Variants in CASR observed in about 807,000 individuals in gnomAD.
The protein encoded by CASR is calcium sensing receptor.
A neutral mutation model predicts 69.1 loss-of-function variants in CASR; 23 were observed. That is an observed-to-expected ratio of 0.33 (90% CI 0.24 to 0.47). The LOEUF is 0.47. Ranked by LOEUF, CASR falls within the 20% of genes least tolerant of loss-of-function variation. The probability of loss-of-function intolerance (pLI) is 1.00; values close to 1 mark genes in which losing one functional copy is unlikely to be tolerated. For missense variants in CASR, 924 were observed against 1,356.1 expected, an observed-to-expected ratio of 0.68 and a Z score of 5.00; for synonymous variants, 541 against 544.7, an observed-to-expected ratio of 0.99 and a Z score of 0.10.
At chr3:122,248,120 C>A (rs931541707) in intron 1 of CASR, among the ~76,000 whole-genome samples, 1 of 152,162 alleles carries the variant, frequency 6.6e-6, no homozygotes, top group Non-Finnish European at 1.5e-5. Context: ...GGTGACCGGG[C>A]AATTTGTGTT....
intron 1 of CASR, among the ~76,000 whole-genome samples, chr3:122,212,643 A>ATTT (rs35139115): frequency 6.9e-6 from 1 of 144,900 alleles, no homozygotes; most frequent in Non-Finnish European, 1.5e-5. Flanking sequence ...ATTTTCTACA[A>ATTT]TTTTTTTTTT....
At position 122,284,684 on chromosome 3, in the gene CASR, C is replaced by T. The variant is rs34200949; in HGVS notation, c.2730C>T (p.Pro910=). 4.3e-6 allele frequency: 7 copies of T among 1,613,428 alleles called. No homozygotes were observed. In the South Asian group the frequency reaches 4.4e-5, roughly 10 times the overall value. The change falls in exon 7 of 7, where the codon CCC becomes CCT. Residue 910 remains proline (P), a synonymous_variant. Transcript: ENST00000639785. ...SSLGGSTGST[P]SSSISSKSNS... is the part of the protein sequence containing the mutation. The stretch of plus-strand genomic sequence containing the variant: ...TTGGAGGCTCCACGGGATCCACCCC[C>T]TCCTCCTCCATCAGCAGCAAGAGCA...
At chr3:122,241,681 C>T (rs183956622) in intron 1 of CASR, among the ~76,000 whole-genome samples, 1 of 152,040 alleles carries the variant, frequency 6.6e-6, no homozygotes, top group Admixed American at 6.6e-5. Context: ...TGTATGAGGC[C>T]AGTAGTACCC....
intron 1 of CASR, among the ~76,000 whole-genome samples, chr3:122,189,580 T>A (rs2073820859): frequency 6.6e-6 from 1 of 152,226 alleles, no homozygotes. Context: ...AAAGGTAATA[T>A]GATACCTGCA....
chr3:122,217,505 C>T (rs1384840063), intron 1 of CASR, among the ~76,000 whole-genome samples: 2 of 152,122 alleles, frequency 1.3e-5, no homozygotes, highest in East Asian at 1.9e-4. Flanking sequence ...AAGTAATTGA[C>T]GTGTGAGTTG....
chr3:122,202,237 C>G (rs144020044), intron 1 of CASR, among the ~76,000 whole-genome samples: 3 of 152,264 alleles, frequency 2.0e-5, no homozygotes, highest in South Asian at 4.1e-4. Context: ...GCCAACACAG[C>G]GAAACCCCGT....
At chr3:122,228,621 G>C (rs540531832) in intron 1 of CASR, among the ~76,000 whole-genome samples, 7 of 152,320 alleles carry the variant, frequency 4.6e-5, no homozygotes, top group African/African-American at 1.7e-4. Context: ...CTGAAGGACT[G>C]CTCACTTAGA....
chr3:122,213,575 C>T (rs62269066), intron 1 of CASR, among the ~76,000 whole-genome samples: 48,161 of 152,008 alleles, frequency 0.32, 8,155 homozygotes, highest in Non-Finnish European at 0.36. Flanking sequence ...GCACCATACC[C>T]CATATGAATT....
At position 122,190,797 on chromosome 3, in the gene CASR, C is replaced by G. The variant is rs556161568; in HGVS notation, c.-243+6985C>G. On this transcript the variant is annotated intron_variant, in intron 1 of 6. Transcript: ENST00000639785. ...AACAGTCAGCAATTGACAAAGCACC[C>G]TCTTAATATTAATTCATTTGATTCC... Among the ~76,000 whole-genome samples, 21 of 152,284 alleles carry G rather than the reference C, an allele frequency of 1.4e-4. No individual in the cohort carries two copies. The South Asian group carries it at 3.5e-3, about 26-fold the overall frequency.
chr3:122,280,624 G>A (rs1358785104), intron 5 of CASR, among the ~76,000 whole-genome samples: 3 of 152,098 alleles, frequency 2.0e-5, no homozygotes, highest in African/African-American at 7.2e-5. Flanking sequence ...GAGAGTCTTG[G>A]CAATCATCAG....
chr3:122,245,859 A>C (rs1029848424), intron 1 of CASR, among the ~76,000 whole-genome samples: 2 of 152,236 alleles, frequency 1.3e-5, no homozygotes, highest in African/African-American at 4.8e-5. Flanking sequence ...GAATTCTCAT[A>C]ATAAATAGAT....
At chr3:122,233,933 A>G (rs868463659) in intron 1 of CASR, among the ~76,000 whole-genome samples, 29 of 152,246 alleles carry the variant, frequency 1.9e-4, no homozygotes, top group African/African-American at 6.8e-4. Context: ...TGGTAAACAA[A>G]CCAGACTCCT....
chr3:122,252,446 A>AAAGAAAGAAAGAAAGAAAGAAAGAAAG (rs1171805148), intron 1 of CASR, among the ~76,000 whole-genome samples: 43 of 98,798 alleles, frequency 4.4e-4, no homozygotes, highest in African/African-American at 1.7e-3. Context: ...AGAAAGAAAG[A>AAAGAAAGAAAGAAAGAAAGAAAGAAAG]AAAAAAAGAA....
chr3:122,251,434 G>T (rs2074482158), intron 1 of CASR, among the ~76,000 whole-genome samples: 1 of 152,154 alleles, frequency 6.6e-6, no homozygotes, highest in Non-Finnish European at 1.5e-5. Context: ...TCCAATCTGT[G>T]TTCCACTAAA....
At chr3:122,278,821 A>G (rs910467048) in intron 5 of CASR, among the ~76,000 whole-genome samples, 12 of 152,238 alleles carry the variant, frequency 7.9e-5, no homozygotes, top group African/African-American at 2.9e-4. Flanking sequence ...TGTGACCTTC[A>G]GCCTGTTCCT....
chr3:122,252,769 G>A (rs967772993), intron 1 of CASR, among the ~76,000 whole-genome samples: 1 of 152,028 alleles, frequency 6.6e-6, no homozygotes, highest in Admixed American at 6.6e-5. Flanking sequence ...AAACAGTGAG[G>A]GAGAAACAAG....
intron 1 of CASR, among the ~76,000 whole-genome samples, chr3:122,204,740 A>G (rs2073989962): frequency 6.6e-6 from 1 of 152,064 alleles, no homozygotes; most frequent in Admixed American, 6.6e-5. Context: ...AACATTTATT[A>G]TTGCCTGTCT....
At chr3:122,269,006 C>T (rs1371826002) in intron 4 of CASR, among the ~76,000 whole-genome samples, 1 of 152,028 alleles carries the variant, frequency 6.6e-6, no homozygotes, top group Non-Finnish European at 1.5e-5. Flanking sequence ...ATCCAGAAAC[C>T]ATTAAATTTT....
chr3:122,217,879 G>A (rs1245358158), intron 1 of CASR, among the ~76,000 whole-genome samples: 1 of 151,974 alleles, frequency 6.6e-6, no homozygotes, highest in Non-Finnish European at 1.5e-5. Flanking sequence ...AGAATTTCTA[G>A]GCTCTATACG....
Sources: gnomAD v4.1 joint callset for allele counts (sites outside exome capture counted in the v4.1 genomes callset) on GRCh38, gnomAD v4.1.1 for gene constraint, MANE v1.5 for transcripts, NCBI Gene and HGNC (gene_info 2026-07-23, HGNC 2026-07-21) for gene names.